The following SPTBN4 variants were observed in gnomAD, a reference collection of about 807,000 sequenced individuals.
The protein encoded by SPTBN4 is spectrin beta chain, non-erythrocytic 4.
Under a neutral mutation model 277.8 loss-of-function variants are expected in SPTBN4, and 96 were observed. The observed-to-expected ratio is 0.35, with a 90% CI of 0.29 to 0.41. The LOEUF (loss-of-function observed/expected upper bound fraction) is 0.41, where lower values mean the gene tolerates loss of function less well. Ranked by LOEUF, SPTBN4 falls within the 10% of genes least tolerant of loss-of-function variation. The pLI is 1.00. For missense variants in SPTBN4, 3,006 were observed against 3,595.7 expected (o/e 0.84, Z 4.19); for synonymous variants, 1,481 against 1,580.3 (o/e 0.94, Z 1.49).
At chr19:40,571,066 G>A (rs1424243566) in intron 33 of SPTBN4, 1 of 270,632 alleles carries the variant, frequency 3.7e-6, no homozygotes, top group African/African-American at 2.3e-5. Flanking sequence ...TAGAGCTTAG[G>A]TGGGAACAGA....
At chr19:40,488,874 G>A (rs928346610) in intron 3 of SPTBN4, among the ~76,000 whole-genome samples, 1 of 151,744 alleles carries the variant, frequency 6.6e-6, no homozygotes, top group Admixed American at 6.6e-5. Flanking sequence ...TGTTGCCCAG[G>A]CTGATCTAGA....
At chr19:40,513,596 G>A (rs1568795617) in intron 14 of SPTBN4, 42 bp downstream of exon 14, 1 of 1,476,970 alleles carries the variant, frequency 6.8e-7, no homozygotes, top group Non-Finnish European at 9.0e-7. Flanking sequence ...CCTTCCTCAT[G>A]CACCCAGTCT....
Position 40,575,614 on chromosome 19 carries a change from C to G in SPTBN4, c.*45C>G. The G allele has an allele frequency of 1.9e-6, 3 of 1,565,648 alleles. No homozygotes were observed. The highest frequency in any genetic ancestry group is 2.6e-6 in the Non-Finnish European group (3 of 1,154,714). On this transcript the variant is annotated 3_prime_UTR_variant, in exon 36 of 36. Coordinates refer to ENST00000598249, the MANE Select transcript of SPTBN4 (RefSeq NM_020971.3). The stretch of plus-strand genomic sequence containing the variant: ...GACACATCTCGTCTCCCCTCTTTTC[C>G]GCACTGTGGGCACAAAGACACTTTT...
intron 20 of SPTBN4, among the ~76,000 whole-genome samples, chr19:40,542,938 C>T (rs750669309): frequency 6.6e-6 from 1 of 151,900 alleles, no homozygotes; most frequent in Admixed American, 6.6e-5. Context: ...GGTGCTGGCT[C>T]GGGGTCTGAG....
At chr19:40,556,995 T>TTC (rs1217034264) in intron 25 of SPTBN4, 28 bp from the exon 26 acceptor site, 4 of 1,484,840 alleles carry the variant, frequency 2.7e-6, no homozygotes, top group Non-Finnish European at 2.7e-6. Context: ...CACTTTGCTG[T>TTC]ACCCCCCCCC....
In SPTBN4 at chr19:40,572,132, A is replaced by C. The variant is rs758818698; in HGVS notation, c.7433A>C (p.His2478Pro). 9.3e-6 allele frequency: 15 copies of C among 1,611,636 alleles called. No homozygotes were observed. The highest frequency in any genetic ancestry group is 1.3e-5 in the Non-Finnish European group (15 of 1,178,706). Residue 2478 changes from histidine to proline, a missense_variant, in exon 34 of 36, where the codon CAC becomes CCC. His to Pro is a moderately conservative substitution (Grantham distance 77, BLOSUM62 -2). Around this residue, in one of 5 missense-constraint regions of SPTBN4, gnomAD observed 630 missense variants for 677.6 expected, o/e 0.93. Coordinates refer to ENST00000598249, the MANE Select transcript of SPTBN4 (RefSeq NM_020971.3). ...THGGEPLLSLHKATSEVASDY... is the reference protein window; with the variant it reads ...THGGEPLLSLPKATSEVASDY... The stretch of plus-strand genomic sequence containing the variant: ...GGTGGGGAACCGCTGCTCAGCCTGC[A>C]CAAGGCCACCAGCGAGGTGGCTAGT...
At position 40,515,325 on chromosome 19, in the gene SPTBN4, AC is replaced by A. The variant is rs757402120; in HGVS notation, c.2782del (p.Gln928LysfsTer3). ...TCCTCCTGCAGATTCGAGAGCCTGGACCAAGAGATGAACAGCCTGATGGGCC... is the reference window on the plus strand; with the variant it reads ...TCCTCCTGCAGATTCGAGAGCCTGGACAAGAGATGAACAGCCTGATGGGCC... ...EVVQHRFESLDQEMNSLMGRV... is the reference protein window; with the variant it reads ...EVVQHRFESLXQEMNSLMGRV... On this transcript the variant is annotated frameshift_variant, in exon 15 of 36. Coordinates refer to ENST00000598249, the MANE Select transcript of SPTBN4 (RefSeq NM_020971.3). LOFTEE classifies it high-confidence loss of function. This position sits in a 1 kb window ranked among gnomAD's most constrained non-coding sequence, Gnocchi z 4.1. 6.2e-7 allele frequency: 1 copy of A among 1,612,918 alleles called. No homozygotes were observed. The highest frequency in any genetic ancestry group is 1.1e-5 in the South Asian group (1 of 90,616).
At chr19:40,516,573 C>T (rs113768165) in intron 15 of SPTBN4, among the ~76,000 whole-genome samples, 35 of 152,318 alleles carry the variant, frequency 2.3e-4, no homozygotes, top group African/African-American at 8.2e-4. Flanking sequence ...CCTGTAATCC[C>T]AGCACTTTGG....
chr19:40,532,475 C>T, intron 18 of SPTBN4, 150 bp from the exon 19 acceptor site: 1 of 935,900 alleles, frequency 1.1e-6, no homozygotes, highest in Non-Finnish European at 1.5e-6. Flanking sequence ...AATATAAAGG[C>T]CTCACTTGCA....
intron 24 of SPTBN4, among the ~76,000 whole-genome samples, chr19:40,555,489 C>CAAAAAAAAAAAAAAAAAAA (rs56045928): frequency 2.7e-5 from 2 of 74,902 alleles, no homozygotes; most frequent in African/African-American, 5.5e-5. Context: ...GACTCCGTCT[C>CAAAAAAAAAAAAAAAAAAA]AAAAAAAAAA....
chr19:40,529,197 C>T, intron 18 of SPTBN4, 66 bp downstream of exon 18: 2 of 1,475,734 alleles, frequency 1.4e-6, no homozygotes, highest in African/African-American at 1.4e-5. Flanking sequence ...TGCTTCTCGG[C>T]CGAGGTGGGG....
At chr19:40,573,350 T>C (rs574379456) in intron 35 of SPTBN4, among the ~76,000 whole-genome samples, 1 of 152,238 alleles carries the variant, frequency 6.6e-6, no homozygotes, top group South Asian at 2.1e-4. Flanking sequence ...TAGAGGGAAC[T>C]GCAAGTGCAG....
intron 18 of SPTBN4, among the ~76,000 whole-genome samples, chr19:40,532,415 C>G (rs1388164928): frequency 6.6e-6 from 1 of 151,974 alleles, no homozygotes; most frequent in African/African-American, 2.4e-5. Flanking sequence ...TTCTGGGGAC[C>G]CTTCCATCCA....
chr19:40,485,535 G>A (rs2080061495), intron 2 of SPTBN4, among the ~76,000 whole-genome samples: 1 of 152,154 alleles, frequency 6.6e-6, no homozygotes, highest in African/African-American at 2.4e-5. Flanking sequence ...GCTGGTTGTG[G>A]TAGCTCGAGC....
At position 40,523,620 on chromosome 19, in the gene SPTBN4, G is replaced by C; in HGVS notation, c.3838G>C (p.Val1280Leu). The C allele has an allele frequency of 6.2e-7, 1 of 1,612,360 alleles. No homozygotes were observed. ...CTACGGGGAGCAGGCTCAGGAGGCT[G>C]TGACCCGGCTGCTGGAGAAGTAGGT... Reference protein sequence around the residue: ...NIYGEQAQEAVTRLLEKNQEN... With the variant: ...NIYGEQAQEALTRLLEKNQEN... Residue 1280 changes from valine to leucine, a missense_variant, in exon 17 of 36, where the codon GTG (valine) becomes CTG (leucine). Coordinates refer to ENST00000598249, the MANE Select transcript of SPTBN4 (RefSeq NM_020971.3).
At position 40,524,508 on chromosome 19, in the gene SPTBN4, C is replaced by A. The variant is rs747879739; in HGVS notation, c.3857+869C>A. 8 of 447,756 alleles carry A rather than the reference C, an allele frequency of 1.8e-5. No individual in the cohort carries two copies. The East Asian group carries it at 3.5e-4, about 20-fold the overall frequency. 27.7% of individuals were successfully genotyped at this position (447,756 alleles called of 1,614,324 possible). ...GATGACACAGCAACATTCTGTCCCC[C>A]CTCCAAAAAAAAAATGTGTTAACTT... On this transcript the variant is annotated intron_variant, in intron 17 of 35. Coordinates refer to ENST00000598249, the MANE Select transcript of SPTBN4 (RefSeq NM_020971.3).
rs997968725 is a variant in SPTBN4 at position 40,570,605 on chromosome 19, G to T, written c.7196G>T (p.Arg2399Leu). The change falls in exon 33 of 36, where the codon CGC (arginine) becomes CTC (leucine). Residue 2399 changes from arginine to leucine, a missense_variant. Physicochemically the swap from Arg to Leu is moderately radical, Grantham distance 102. Transcript: ENST00000598249. ...GAGGGCGGGGGAAGCCGGCGCTCGC[G>T]CTCCGCCCCGGCCCAGGGCGGCTCC... Reference protein sequence around the residue: ...GGEGGGSRRSRSAPAQGGSAP... With the variant: ...GGEGGGSRRSLSAPAQGGSAP... 1.3e-5 allele frequency: 18 copies of T among 1,390,144 alleles called. No individual in the cohort carries two copies. The highest frequency in any genetic ancestry group is 1.6e-5 in the Non-Finnish European group (17 of 1,071,758). 86.1% of individuals were successfully genotyped at this position (1,390,144 alleles called of 1,614,324 possible).
chr19:40,469,734 C>T (rs2079864254), intron 1 of SPTBN4, among the ~76,000 whole-genome samples: 1 of 151,550 alleles, frequency 6.6e-6, no homozygotes, highest in South Asian at 2.1e-4. Context: ...ACCTCCGCCT[C>T]CTGGGTTCAA....
Position 40,544,344 on chromosome 19 carries a change from A to G in SPTBN4, c.4360-4845A>G, listed in dbSNP as rs371509969. On this transcript the variant is annotated intron_variant, in intron 20 of 35. Coordinates refer to ENST00000598249, the MANE Select transcript of SPTBN4 (RefSeq NM_020971.3). Reference sequence around the variant, plus strand: ...TTTTTAGTAGAGACTGGGTTTCACCATGTTGGCCAGCATGGTGTCTATCTC... The same window carrying G: ...TTTTTAGTAGAGACTGGGTTTCACCGTGTTGGCCAGCATGGTGTCTATCTC... Among the ~76,000 whole-genome samples the G allele has an allele frequency of 1.9e-3, 273 of 145,988 alleles. 2 individuals are homozygous for G. The highest frequency in any genetic ancestry group is 6.8e-3 in the African/African-American group (267 of 39,086).
Sources: gnomAD v4.1 joint callset for allele counts (sites outside exome capture counted in the v4.1 genomes callset) on GRCh38, gnomAD v4.1.1 for gene constraint, gnomAD v4.1.1 regional missense constraint, Gnocchi (gnomAD v3.1) non-coding constraint, MANE v1.5 for transcripts, NCBI Gene and HGNC (gene_info 2026-07-23, HGNC 2026-07-21) for gene names.